Variants in SORCS2 observed in about 807,000 individuals in gnomAD.
SORCS2 encodes VPS10 domain-containing receptor SorCS2.
A neutral mutation model predicts 141.6 loss-of-function variants in SORCS2; 100 were observed. The observed-to-expected ratio is 0.71, with a 90% confidence interval of 0.60 to 0.83. The LOEUF (loss-of-function observed/expected upper bound fraction) is 0.83. SORCS2 is among the 40% of genes least tolerant of loss of function. SORCS2 has a pLI of 0.00. For missense variants in SORCS2, 1,646 were observed against 1,560.2 expected, an observed-to-expected ratio of 1.05 and a Z score of -0.93; for synonymous variants, 789 against 676.9, an observed-to-expected ratio of 1.17 and a Z score of -2.57.
intron 1 of SORCS2, among the ~76,000 whole-genome samples, chr4:7,342,940 T>C (rs777792422): frequency 3.7e-4 from 57 of 152,090 alleles, no homozygotes; most frequent in Non-Finnish European, 5.6e-4. Flanking sequence ...CTGGCCAAGG[T>C]CTCTGTCCTG....
chr4:7,244,000 C>A (rs949072007), intron 1 of SORCS2, among the ~76,000 whole-genome samples: 1 of 152,246 alleles, frequency 6.6e-6, no homozygotes. Flanking sequence ...TCGCCCTGTT[C>A]TTGGTGTTGA....
At chr4:7,293,177 A>G (rs1272633525) in intron 1 of SORCS2, among the ~76,000 whole-genome samples, 1 of 151,954 alleles carries the variant, frequency 6.6e-6, no homozygotes, top group Non-Finnish European at 1.5e-5. Flanking sequence ...GGTGGCGGGC[A>G]CCTGTAGTCC....
intron 23 of SORCS2, among the ~76,000 whole-genome samples, chr4:7,730,028 A>G (rs1188820694): frequency 6.6e-6 from 1 of 152,166 alleles, no homozygotes; most frequent in African/African-American, 2.4e-5. Flanking sequence ...GACTGCCAGG[A>G]GCACTGGGAA....
chr4:7,414,021 A>G (rs1012337328), intron 2 of SORCS2, among the ~76,000 whole-genome samples: 1 of 152,204 alleles, frequency 6.6e-6, no homozygotes, highest in Non-Finnish European at 1.5e-5. Flanking sequence ...TTTAGGGAAG[A>G]GGTAGTAAGA....
intron 2 of SORCS2, among the ~76,000 whole-genome samples, chr4:7,450,735 G>C (rs1728380071): frequency 6.6e-6 from 1 of 152,224 alleles, no homozygotes; most frequent in Non-Finnish European, 1.5e-5. Context: ...ATGAATGAGT[G>C]ACTGAATGAA....
Position 7,482,740 on chromosome 4 carries a change from G to A in SORCS2, c.549-48790G>A, listed in dbSNP as rs368723433. On this transcript the variant is annotated intron_variant, in intron 2 of 26. Transcript: ENST00000507866. ...CTGTTCAGACCTGTATCCCCGCTGC[G>A]GACACCCCTGACGCTGTTCAGACCT... is the stretch of plus-strand genomic sequence containing the variant. Among the ~76,000 whole-genome samples, 34 of 133,392 alleles carry A rather than the reference G, an allele frequency of 2.5e-4. 2 individuals carry two copies. In the East Asian group the frequency reaches 7.8e-3, roughly 31 times the overall value. 87.5% of individuals were successfully genotyped at this position (133,392 alleles called of 152,430 possible).
chr4:7,318,370 A>G (rs1372540918), intron 1 of SORCS2, among the ~76,000 whole-genome samples: 1 of 152,158 alleles, frequency 6.6e-6, no homozygotes, highest in African/African-American at 2.4e-5. Context: ...CGAATGCACC[A>G]TACTGGATGC....
chr4:7,402,332 A>G (rs2109129318), intron 2 of SORCS2, among the ~76,000 whole-genome samples: 2 of 152,336 alleles, frequency 1.3e-5, no homozygotes, highest in South Asian at 4.1e-4. Flanking sequence ...TTATATTAAA[A>G]ACATAAAACA....
chr4:7,699,176 G>A (rs552163404), intron 12 of SORCS2, among the ~76,000 whole-genome samples: 16 of 152,280 alleles, frequency 1.1e-4, no homozygotes, highest in African/African-American at 3.6e-4. Context: ...AGGGTGAAGT[G>A]GGGACAGGCT....
intron 3 of SORCS2, among the ~76,000 whole-genome samples, chr4:7,627,265 A>G (rs1480011112): frequency 6.6e-6 from 1 of 152,174 alleles, no homozygotes; most frequent in East Asian, 1.9e-4. Flanking sequence ...GATTACAGGT[A>G]TGTGCCTCTG....
intron 2 of SORCS2, among the ~76,000 whole-genome samples, chr4:7,467,956 C>T (rs559633303): frequency 7.3e-4 from 111 of 152,338 alleles, no homozygotes; most frequent in African/African-American, 2.6e-3. Context: ...GGCTCCTGCC[C>T]AAGGGGCTGG....
intron 1 of SORCS2, among the ~76,000 whole-genome samples, chr4:7,342,785 G>T (rs967921604): frequency 2.0e-5 from 3 of 152,218 alleles, no homozygotes; most frequent in African/African-American, 7.2e-5. Flanking sequence ...CGCTGGCATG[G>T]GCGGTAATTA....
rs111335100 is a variant in SORCS2, at chr4:7,211,614, C to T, written c.480+18488C>T. Among the ~76,000 whole-genome samples the T allele has an allele frequency of 4.5e-3, 686 of 152,286 alleles. 5 individuals are homozygous for T. The highest frequency in any genetic ancestry group is 0.015 in the African/African-American group (641 of 41,544). ...TCTCGAACTCCTGATCTCAAGTGAT[C>T]CCCCTGCCTCGGCCTCCCAAAGTGC... On this transcript the variant is annotated intron_variant, in intron 1 of 26. Transcript: ENST00000507866.
intron 2 of SORCS2, among the ~76,000 whole-genome samples, chr4:7,427,157 C>A (rs547262606): frequency 8.6e-5 from 13 of 152,044 alleles, no homozygotes; most frequent in African/African-American, 2.9e-4. Flanking sequence ...TCCAGGGTAG[C>A]GTTAATGGCA....
At chr4:7,730,295 G>A (rs1462592165) in intron 23 of SORCS2, among the ~76,000 whole-genome samples, 1 of 152,182 alleles carries the variant, frequency 6.6e-6, no homozygotes, top group Non-Finnish European at 1.5e-5. Flanking sequence ...AGGAAGCAGA[G>A]AACTTGGAAC....
chr4:7,306,311 T>G (rs1336863402), intron 1 of SORCS2, among the ~76,000 whole-genome samples: 5 of 118,548 alleles, frequency 4.2e-5, no homozygotes, highest in African/African-American at 1.0e-4. Flanking sequence ...GGTCCGAGGG[T>G]GGAGGGGGAG....
chr4:7,289,569 T>C (rs1323655107), intron 1 of SORCS2, among the ~76,000 whole-genome samples: 1 of 152,230 alleles, frequency 6.6e-6, no homozygotes, highest in Non-Finnish European at 1.5e-5. Context: ...AAGTCAGCAC[T>C]GTGGATTGGC....
rs959654102 is a variant in SORCS2, at chr4:7,233,310, G to A, written c.480+40184G>A. Among the ~76,000 whole-genome samples the A allele has an allele frequency of 1.4e-4, 22 of 152,190 alleles. No homozygotes were observed. The highest frequency in any genetic ancestry group is 5.3e-4 in the African/African-American group (22 of 41,442). ...CTATGCCTGCAGAAGCCACGGTGGG[G>A]ACAGGAGCACATCCAGGGTGTCATC... is the stretch of plus-strand genomic sequence containing the variant. On this transcript the variant is annotated intron_variant, in intron 1 of 26. Transcript: ENST00000507866. This position sits in a 1 kb window ranked among gnomAD's most constrained non-coding sequence, Gnocchi z 4.5.
intron 2 of SORCS2, among the ~76,000 whole-genome samples, chr4:7,440,398 T>C (rs1727585493): frequency 6.6e-6 from 1 of 152,230 alleles, no homozygotes; most frequent in African/African-American, 2.4e-5. Flanking sequence ...AGAGCACGAA[T>C]AGGAACAACA....
Sources: allele counts gnomAD v4.1 joint callset (sites outside exome capture counted in the v4.1 genomes callset), GRCh38; gene constraint gnomAD v4.1.1; non-coding constraint Gnocchi (gnomAD v3.1); transcripts MANE v1.5; gene names NCBI Gene and HGNC (gene_info 2026-07-23, HGNC 2026-07-21).